The following PXN variants were observed in gnomAD, a reference collection of about 807,000 sequenced individuals.
PXN encodes paxillin.
A neutral mutation model predicts 103.6 loss-of-function variants in PXN; 61 were observed. That is an observed-to-expected ratio of 0.59 (90% confidence interval 0.48 to 0.73). PXN has a LOEUF of 0.73. Among genes scored for constraint, PXN ranks in the 30% least tolerant of loss-of-function variants. The pLI is 0.00. For missense variants in PXN, 1,274 were observed against 1,460.3 expected, an observed-to-expected ratio of 0.87 and a Z score of 2.08; for synonymous variants, 562 against 607.8, an observed-to-expected ratio of 0.92 and a Z score of 1.11.
intron 3 of PXN, among the ~76,000 whole-genome samples, chr12:120,223,214 C>A (rs190500670): frequency 1.3e-5 from 2 of 151,512 alleles, no homozygotes; most frequent in African/African-American, 4.9e-5. Flanking sequence ...GAGGCTGAGG[C>A]GGGCAGATCA....
chr12:120,242,954 G>A (rs1216587307), intron 1 of PXN, among the ~76,000 whole-genome samples: 2 of 151,354 alleles, frequency 1.3e-5, no homozygotes, highest in Non-Finnish European at 2.9e-5. Context: ...CTCAGCTATC[G>A]TAGCAAGGTC....
intron 1 of PXN, among the ~76,000 whole-genome samples, chr12:120,241,724 G>A (rs991639089): frequency 3.3e-5 from 5 of 152,226 alleles, no homozygotes; most frequent in African/African-American, 1.2e-4. Flanking sequence ...TGGGAGCTCA[G>A]AGTGCAAGTC....
Position 120,216,886 on chromosome 12 carries a change from A to G in PXN, c.1947T>C (p.Thr649=), listed in dbSNP as rs773575776. 78 of 1,516,154 alleles carry G rather than the reference A, an allele frequency of 5.1e-5. No individual in the cohort carries two copies. Among genetic ancestry groups the G allele is most frequent in the Admixed American group, 8.6e-5 (4 of 46,512 alleles). 93.9% of individuals were successfully genotyped at this position (1,516,154 alleles called of 1,614,324 possible). ...QDWLTEGVII[T]VQPRGKRAGG... The stretch of plus-strand genomic sequence containing the variant: ...CGGCCCGCTTCCCACGTGGCTGCAC[A>G]GTGATGATGACGCCCTCGGTCAGCC... Residue 649 remains threonine, a synonymous_variant, in exon 8 of 15, where the codon ACT becomes ACC. Coordinates refer to ENST00000637617, the MANE Select transcript of PXN (RefSeq NM_001385981.1). The surrounding 1 kb of genome is among the most constrained non-coding windows in gnomAD (Gnocchi z 5.1).
intron 1 of PXN, chr12:120,227,176 G>A (rs1024634324): frequency 2.0e-6 from 2 of 988,360 alleles, no homozygotes; most frequent in African/African-American, 3.5e-5. Flanking sequence ...TCCCAGCCTG[G>A]GCAAAACAGT....
Position 120,229,384 on chromosome 12 carries a change from A to T in PXN, c.14-5007T>A, listed in dbSNP as rs1887569726. Among the ~76,000 whole-genome samples the T allele has an allele frequency of 1.3e-5, 2 of 152,164 alleles. No homozygotes were observed. Among genetic ancestry groups the T allele is most frequent in the South Asian group, 4.1e-4 (2 of 4,830 alleles). ...CCTGGAGCTGGACAGGTGCCAAGAGAGAGGAGATAAAAGTCCATCTCTCTG... is the reference window on the plus strand; with the variant it reads ...CCTGGAGCTGGACAGGTGCCAAGAGTGAGGAGATAAAAGTCCATCTCTCTG... On this transcript the variant is annotated intron_variant, in intron 1 of 14. Transcript: ENST00000637617. The surrounding 1 kb of genome is among the most constrained non-coding windows in gnomAD (Gnocchi z 4.0).
In PXN at chr12:120,220,454, C is replaced by T. The variant is rs1485583088; in HGVS notation, c.832-363G>A. ...AGCCAGCCCCAGGGGCTGCTGAACC[C>T]GCCTCGGACACTGGCCCAACTCGGC... On this transcript the variant is annotated intron_variant, in intron 6 of 14. Transcript: ENST00000637617. This position sits in a 1 kb window ranked among gnomAD's most constrained non-coding sequence, Gnocchi z 6.1. 2.6e-5 allele frequency among the ~76,000 whole-genome samples: 4 copies of T among 152,152 alleles called. No individual in the cohort carries two copies. Among genetic ancestry groups the T allele is most frequent in the Non-Finnish European group, 5.9e-5 (4 of 68,024 alleles).
At chr12:120,233,656 G>T (rs922004880) in intron 1 of PXN, among the ~76,000 whole-genome samples, 3 of 152,102 alleles carry the variant, frequency 2.0e-5, no homozygotes, top group Non-Finnish European at 4.4e-5. Context: ...AGCAAGGGGT[G>T]GAGTTATAAT....
In PXN at chr12:120,224,640, T is replaced by C. The variant is rs1385223893; in HGVS notation, c.14-263A>G. The C allele has an allele frequency of 3.0e-6, 2 of 663,618 alleles. No homozygotes were observed. The highest frequency in any genetic ancestry group is 3.5e-5 in the African/African-American group (2 of 56,500). 41.1% of individuals were successfully genotyped at this position (663,618 alleles called of 1,614,324 possible). ...TCTGGGGCTGCCCTGTGGGATCTCC[T>C]ACCTCTGGGAGTCAGGCACCTGGCA... On this transcript the variant is annotated intron_variant, in intron 1 of 14. Coordinates refer to ENST00000637617, the MANE Select transcript of PXN (RefSeq NM_001385981.1). This position sits in a 1 kb window ranked among gnomAD's most constrained non-coding sequence, Gnocchi z 5.0.
intron 1 of PXN, chr12:120,250,042 C>T (rs1433036966): frequency 1.0e-6 from 1 of 985,438 alleles, no homozygotes; most frequent in Non-Finnish European, 1.2e-6. Context: ...GTGTTCCAGG[C>T]ATCACGACCA....
At position 120,215,564 on chromosome 12, in the gene PXN, C is replaced by A; in HGVS notation, c.2399G>T (p.Gly800Val). ...GRSSPGGQDE[G>V]GFMAQGKTGS... ...CAGCCCAGCCTTGGCACTGACCCCT[C>A]CCTCGTCCTGCCCTCCGGGGCTGCT... The change falls in exon 10 of 15, where the codon GGA becomes GTA. Residue 800 changes from glycine (G) to valine (V), a missense_variant. Transcript: ENST00000637617. The surrounding 1 kb of genome is among the most constrained non-coding windows in gnomAD (Gnocchi z 4.9). 6.3e-7 allele frequency: 1 copy of A among 1,592,050 alleles called. No individual in the cohort carries two copies.
chr12:120,256,128 G>A (rs768608572), intron 1 of PXN, among the ~76,000 whole-genome samples: 49 of 151,402 alleles, frequency 3.2e-4, no homozygotes, highest in Non-Finnish European at 5.9e-4. Context: ...AGGGAAACAG[G>A]CAAGACACAT....
intron 1 of PXN, among the ~76,000 whole-genome samples, chr12:120,239,927 CT>C (rs1407377098): frequency 0.014 from 1,953 of 136,158 alleles, 8 homozygotes; most frequent in Non-Finnish European, 0.018. Flanking sequence ...ATCTAGCTCC[CT>C]TTTTTTTTTT....
intron 3 of PXN, among the ~76,000 whole-genome samples, chr12:120,223,342 G>A (rs2136312904): frequency 6.6e-6 from 1 of 152,232 alleles, no homozygotes; most frequent in South Asian, 2.1e-4. Flanking sequence ...GCTGAGGCAG[G>A]AGAATGGCGT....
In PXN at chr12:120,225,933, G is replaced by T; in HGVS notation, c.14-1556C>A. 2.4e-6 allele frequency: 1 copy of T among 421,108 alleles called. No homozygotes were observed. The highest frequency in any genetic ancestry group is 3.4e-6 in the Non-Finnish European group (1 of 294,618). 26.1% of individuals were successfully genotyped at this position (421,108 alleles called of 1,614,324 possible). On this transcript the variant is annotated intron_variant, in intron 1 of 14. Coordinates refer to ENST00000637617, the MANE Select transcript of PXN (RefSeq NM_001385981.1). This position sits in a 1 kb window ranked among gnomAD's most constrained non-coding sequence, Gnocchi z 4.4. The stretch of plus-strand genomic sequence containing the variant: ...CCCCATGCTCCTGCCCAGATGGACA[G>T]AGGGGATGTCTGTTCCAAGGCCCAG...
intron 1 of PXN, chr12:120,226,769 CCATGCCA>C (rs2136368976): frequency 9.4e-7 from 1 of 1,063,356 alleles, no homozygotes; most frequent in East Asian, 8.4e-5. Flanking sequence ...TCTCTACCAT[CCATGCCA>C]CAGGGCAAAT....
chr12:120,235,296 C>T (rs547279146), intron 1 of PXN, among the ~76,000 whole-genome samples: 40 of 152,276 alleles, frequency 2.6e-4, no homozygotes, highest in African/African-American at 8.9e-4. Context: ...AAAAAGGGAT[C>T]CAAAGACGGG....
intron 1 of PXN, chr12:120,227,209 T>C (rs927400173): frequency 1.0e-5 from 10 of 962,492 alleles, no homozygotes; most frequent in Non-Finnish European, 1.2e-5. Context: ...CTACAAAAAA[T>C]TTAAAAATTA....
Position 120,223,803 on chromosome 12 carries a change from T to G in PXN, c.271A>C (p.Ser91Arg), listed in dbSNP as rs1312047339. Residue 91 changes from serine (S) to arginine (R), a missense_variant, in exon 3 of 15, where the codon AGT (serine) becomes CGT (arginine). Ser to Arg is a moderately radical substitution (Grantham distance 110). Transcript: ENST00000637617. ...TTGGAGACACTGGAAGTTTTGGCAC[T>G]GGAGCCGTACACAGGTGATGAGGAC... ...PQSSSPVYGS[S>R]AKTSSVSNPQ... The G allele has an allele frequency of 6.2e-7, 1 of 1,609,380 alleles. No homozygotes were observed. Among genetic ancestry groups the G allele is most frequent in the Admixed American group, 1.7e-5 (1 of 59,350 alleles).
Position 120,219,641 on chromosome 12 carries a change from C to G in PXN, c.1282G>C (p.Glu428Gln), listed in dbSNP as rs1255595689. The G allele has an allele frequency of 1.2e-5, 19 of 1,576,156 alleles. No individual in the cohort carries two copies. The highest frequency in any genetic ancestry group is 1.6e-5 in the Non-Finnish European group (19 of 1,169,432). ...QGPPASPSCP[E>Q]EALAATWEQP... Reference sequence around the variant, plus strand: ...TCCCATGTGGCAGCCAAGGCCTCCTCTGGGCACGAAGGGCTGGCTGGTGGC... The same window carrying G: ...TCCCATGTGGCAGCCAAGGCCTCCTGTGGGCACGAAGGGCTGGCTGGTGGC... The change falls in exon 7 of 15, where the codon GAG (glutamate) becomes CAG (glutamine). Residue 428 changes from glutamate to glutamine, a missense_variant. Physicochemically the swap from Glu to Gln is conservative, Grantham distance 29 (BLOSUM62 2). Coordinates refer to ENST00000637617, the MANE Select transcript of PXN (RefSeq NM_001385981.1). This position sits in a 1 kb window ranked among gnomAD's most constrained non-coding sequence, Gnocchi z 6.5.
Sources: gnomAD v4.1 joint callset for allele counts (sites outside exome capture counted in the v4.1 genomes callset) on GRCh38, gnomAD v4.1.1 for gene constraint, Gnocchi (gnomAD v3.1) non-coding constraint, MANE v1.5 for transcripts, NCBI Gene and HGNC (gene_info 2026-07-23, HGNC 2026-07-21) for gene names.